ZNF532: variants seen among roughly 807,000 people sequenced by gnomAD.
ZNF532 encodes zinc finger protein 532.
Under a neutral mutation model 89.3 loss-of-function variants are expected in ZNF532, and 22 were observed. The ratio of observed to expected loss-of-function variants is 0.25; its 90% CI spans 0.18 to 0.35. ZNF532 has a LOEUF of 0.35. ZNF532 is among the 10% of genes least tolerant of loss of function. The probability of loss-of-function intolerance (pLI) is 1.00; values close to 1 mark genes in which losing one functional copy is unlikely to be tolerated. For synonymous variants in ZNF532, 606 were observed against 649.6 expected, an observed-to-expected ratio of 0.93 and a Z score of 1.02; for missense variants, 1,132 against 1,643.4, an observed-to-expected ratio of 0.69 and a Z score of 5.38.
chr18:58,940,958 A>ACACACACACACTCT (rs1209329621), intron 5 of ZNF532, among the ~76,000 whole-genome samples: 2 of 131,706 alleles, frequency 1.5e-5, no homozygotes, highest in African/African-American at 5.6e-5. Flanking sequence ...ACACACACAC[A>ACACACACACACTCT]CTCTTTCTCT....
chr18:58,935,500 T>G (rs1265517788), intron 4 of ZNF532, among the ~76,000 whole-genome samples: 1 of 50,922 alleles, frequency 2.0e-5, no homozygotes, highest in Non-Finnish European at 3.8e-5. Context: ...CCCCCCTTCC[T>G]CCTCCTCCCT....
At chr18:58,939,028 C>T (rs750188207) in intron 4 of ZNF532, among the ~76,000 whole-genome samples, 17 of 151,994 alleles carry the variant, frequency 1.1e-4, no homozygotes, top group Non-Finnish European at 2.2e-4. Flanking sequence ...GGGCGAATCA[C>T]TTGAGGCTAG....
intron 2 of ZNF532, among the ~76,000 whole-genome samples, chr18:58,869,376 A>G (rs1219691351): frequency 6.6e-6 from 1 of 152,264 alleles, no homozygotes; most frequent in Non-Finnish European, 1.5e-5. Context: ...CCCTGAACTA[A>G]TCAGAATTAG....
chr18:58,981,805 C>T (rs1366175007), intron 9 of ZNF532, among the ~76,000 whole-genome samples, 188 bp downstream of exon 9: 1 of 152,040 alleles, frequency 6.6e-6, no homozygotes, highest in Non-Finnish European at 1.5e-5. Context: ...GAGTTCAAGA[C>T]CAGCCTGGCC....
At chr18:58,908,508 A>G (rs2060083728) in intron 2 of ZNF532, among the ~76,000 whole-genome samples, 1 of 152,212 alleles carries the variant, frequency 6.6e-6, no homozygotes, top group East Asian at 1.9e-4. Flanking sequence ...TTGATTTATA[A>G]CTAGCAAAAA....
chr18:58,902,292 C>T (rs961148391), intron 2 of ZNF532, among the ~76,000 whole-genome samples: 7 of 152,120 alleles, frequency 4.6e-5, no homozygotes, highest in Non-Finnish European at 8.8e-5. Context: ...AGACACAAGT[C>T]TCAAAGTCAA....
At chr18:58,941,005 A>AAACATTT (rs1225970284) in intron 5 of ZNF532, among the ~76,000 whole-genome samples, 2 of 148,910 alleles carry the variant, frequency 1.3e-5, no homozygotes, top group East Asian at 3.9e-4. Context: ...GCTTTTGTTG[A>AAACATTT]AACATTTAGT....
chr18:58,863,171 G>A (rs1326528719), upstream of ZNF532: 4 of 152,248 alleles, frequency 2.6e-5, no homozygotes, highest in African/African-American at 9.7e-5. Flanking sequence ...ACTCGAGTAA[G>A]TCGCGGCTTG....
chr18:58,887,954 A>G (rs563420568), intron 2 of ZNF532, among the ~76,000 whole-genome samples: 7 of 152,328 alleles, frequency 4.6e-5, no homozygotes, highest in Non-Finnish European at 8.8e-5. Context: ...GCCCTCCCCA[A>G]ACATCTTTTT....
chr18:58,922,407 T>G (rs1202337143), intron 3 of ZNF532, among the ~76,000 whole-genome samples: 1 of 152,124 alleles, frequency 6.6e-6, no homozygotes, highest in African/African-American at 2.4e-5. Context: ...TTCAGTTCAG[T>G]GGAAATGGAA....
chr18:58,888,245 A>T (rs2058441140), intron 2 of ZNF532, among the ~76,000 whole-genome samples: 1 of 152,246 alleles, frequency 6.6e-6, no homozygotes. Flanking sequence ...ATGTGATTTT[A>T]GCAAACTGCA....
chr18:58,909,445 A>G (rs1419036453), intron 2 of ZNF532, among the ~76,000 whole-genome samples: 1 of 152,144 alleles, frequency 6.6e-6, no homozygotes, highest in Non-Finnish European at 1.5e-5. Context: ...TAAAGATAGA[A>G]ACCCGTTTGT....
chr18:58,905,150 G>A (rs1276139241), intron 2 of ZNF532, among the ~76,000 whole-genome samples: 1 of 152,048 alleles, frequency 6.6e-6, no homozygotes, highest in East Asian at 1.9e-4. Context: ...CCTGAAAATT[G>A]TGTTTCTAAT....
intron 2 of ZNF532, among the ~76,000 whole-genome samples, chr18:58,897,901 G>A (rs761391729): frequency 2.0e-5 from 3 of 152,172 alleles, no homozygotes; most frequent in African/African-American, 4.8e-5. Flanking sequence ...GCAGTGAGCC[G>A]AGACCATGCT....
intron 2 of ZNF532, among the ~76,000 whole-genome samples, chr18:58,915,397 C>A (rs1412412932): frequency 6.6e-6 from 1 of 152,144 alleles, no homozygotes; most frequent in Non-Finnish European, 1.5e-5. Flanking sequence ...TCCCCCACGT[C>A]CCCCATGAGA....
intron 2 of ZNF532, among the ~76,000 whole-genome samples, chr18:58,873,990 T>C (rs1348842128): frequency 7.4e-6 from 1 of 135,838 alleles, no homozygotes; most frequent in African/African-American, 2.9e-5. Context: ...TAAATGCATA[T>C]ATAAAGTGTT....
At chr18:58,939,661 A>T in intron 5 of ZNF532, 40 bp downstream of exon 5, 4 of 1,574,906 alleles carry the variant, frequency 2.5e-6, no homozygotes, top group Non-Finnish European at 3.5e-6. Flanking sequence ...CCACTGCTTT[A>T]TTAGCAATTT....
rs562514114 is a variant in ZNF532 at position 58,983,119 on chromosome 18, AAG to A, written c.3412-851_3412-850del. 2.6e-3 allele frequency among the ~76,000 whole-genome samples: 397 copies of A among 152,288 alleles called. 2 individuals are homozygous for A. Among genetic ancestry groups the A allele is most frequent in the African/African-American group, 9.1e-3 (377 of 41,560 alleles). On this transcript the variant is annotated intron_variant, in intron 9 of 9. Transcript: ENST00000591808. ...AGCGCGAGACTCCGTCTTAAAAAAA[AAG>A]AAAGTGTGTGCAAAGGTAGCTTCAG...
At chr18:58,943,231 C>G (rs1181740966) in intron 5 of ZNF532, among the ~76,000 whole-genome samples, 1 of 146,326 alleles carries the variant, frequency 6.8e-6, no homozygotes, top group Admixed American at 7.0e-5. Context: ...GCGATCTCTG[C>G]TCACTGCAAC....
Sources: allele counts gnomAD v4.1 joint callset (sites outside exome capture counted in the v4.1 genomes callset), GRCh38; gene constraint gnomAD v4.1.1; transcripts MANE v1.5; gene names NCBI Gene and HGNC (gene_info 2026-07-23, HGNC 2026-07-21).